OTOG: variants seen among roughly 807,000 people sequenced by gnomAD.
OTOG encodes otogelin.
Under a neutral mutation model 313.8 loss-of-function variants are expected in OTOG, and 296 were observed. The ratio of observed to expected loss-of-function variants is 0.94; its 90% CI spans 0.86 to 1.04. The LOEUF (loss-of-function observed/expected upper bound fraction) is 1.04, where lower values mean the gene tolerates loss of function less well. Among genes scored for constraint, OTOG ranks in the 50% least tolerant of loss-of-function variants. The pLI is 0.00. For missense variants in OTOG, 3,948 were observed against 3,840.1 expected (o/e 1.03, Z -0.74); for synonymous variants, 1,533 against 1,554.9 (o/e 0.99, Z 0.33).
rs1245395222 is a variant in OTOG at position 17,592,819 on chromosome 11, T to C, written c.3007-374T>C. Among the ~76,000 whole-genome samples, 8 of 152,240 alleles carry C rather than the reference T, an allele frequency of 5.3e-5. 1 individual carries two copies. Among genetic ancestry groups the C allele is most frequent in the Admixed American group, 5.2e-4 (8 of 15,280 alleles). ...GGTTCTTAGAAGTAGAATTGCTGTA[T>C]AAAAAGCTACATACATTTAAAATAT... On this transcript the variant is annotated intron_variant, in intron 25 of 55. Coordinates refer to ENST00000399397, the MANE Select transcript of OTOG (RefSeq NM_001292063.2).
chr11:17,591,473 A>G lies in OTOG; in HGVS notation c.2891A>G (p.Gln964Arg), dbSNP rs1276151242. The stretch of plus-strand genomic sequence containing the variant: ...AGTGTGTGCCAGCGGGGCTCATTCC[A>G]GTGCACCCTGCACCCTTGCGCCTCC... ...HTCVCQRGSF[Q>R]CTLHPCASTC... Residue 964 changes from glutamine (Q) to arginine (R), a missense_variant, in exon 25 of 56, where the codon CAG becomes CGG. Coordinates refer to ENST00000399397, the MANE Select transcript of OTOG (RefSeq NM_001292063.2). 7 of 1,550,556 alleles carry G rather than the reference A, an allele frequency of 4.5e-6. No individual in the cohort carries two copies. In the African/African-American group the frequency reaches 9.6e-5, roughly 21 times the overall value.
chr11:17,640,132 G>C (rs191181065), intron 49 of OTOG, among the ~76,000 whole-genome samples: 1 of 152,264 alleles, frequency 6.6e-6, no homozygotes, highest in East Asian at 1.9e-4. Flanking sequence ...TTTACTGAGA[G>C]CTTACTAAAT....
chr11:17,547,272 G>C lies in OTOG; in HGVS notation c.-101G>C. ...GAGCCCTGGGGCATGAGAACAAGAG[G>C]GACCTCGGCTGCGGAGTGGAGGTGT... On this transcript the variant is annotated 5_prime_UTR_variant, in exon 1 of 56. Transcript: ENST00000399397. 1 of 994,230 alleles carries C rather than the reference G, an allele frequency of 1.0e-6. No individual in the cohort carries two copies. Among genetic ancestry groups the C allele is most frequent in the African/African-American group, 1.7e-5 (1 of 59,286 alleles). 61.6% of individuals were successfully genotyped at this position (994,230 alleles called of 1,614,324 possible). A position where few individuals can be genotyped will look rare whatever the true frequency, so the allele number is the denominator to read the frequency against.
chr11:17,591,766 C>T (rs1852944819), intron 25 of OTOG, among the ~76,000 whole-genome samples, 178 bp downstream of exon 25: 1 of 152,154 alleles, frequency 6.6e-6, no homozygotes, highest in South Asian at 2.1e-4. Flanking sequence ...TGGAGCTCAC[C>T]AGTCCTGAGA....
At chr11:17,560,483 G>A (rs1410191637) in intron 12 of OTOG, among the ~76,000 whole-genome samples, 1 of 152,166 alleles carries the variant, frequency 6.6e-6, no homozygotes, top group Non-Finnish European at 1.5e-5. Flanking sequence ...GGTTGGGGAT[G>A]GGGTTGTGGG....
At chr11:17,603,821 C>A (rs1853314484) in intron 32 of OTOG, among the ~76,000 whole-genome samples, 1 of 152,146 alleles carries the variant, frequency 6.6e-6, no homozygotes, top group Non-Finnish European at 1.5e-5. Context: ...AGGCTTCCCG[C>A]TCTGGGGAGT....
At chr11:17,573,334 C>T in intron 19 of OTOG, 44 bp downstream of exon 19, 1 of 1,478,494 alleles carries the variant, frequency 6.8e-7, no homozygotes, top group East Asian at 2.5e-5. Flanking sequence ...GGAGCCAGAG[C>T]TCCAGACCTG....
rs1401870617 is a variant in OTOG at position 17,634,950 on chromosome 11, T to C, written c.7585+2T>C. The C allele has an allele frequency of 2.2e-6, 3 of 1,386,508 alleles. No individual in the cohort carries two copies. The African/African-American group carries it at 4.7e-5, about 22-fold the overall frequency. The allele number at this position is 1,386,508 out of a possible 1,614,324, so 85.9% of individuals were successfully genotyped here. On this transcript the variant is annotated splice_donor_variant, in intron 45 of 55. Coordinates refer to ENST00000399397, the MANE Select transcript of OTOG (RefSeq NM_001292063.2). LOFTEE classifies it high-confidence loss of function. Reference sequence around the variant, plus strand: ...CCTGCTGCCCCAGCTACAGCTGTGGTGAGAGGCCCGGGGTGGGGAGGGTGG... The same window carrying C: ...CCTGCTGCCCCAGCTACAGCTGTGGCGAGAGGCCCGGGGTGGGGAGGGTGG...
chr11:17,638,831 C>T (rs1590060686), intron 48 of OTOG: 1 of 1,387,458 alleles, frequency 7.2e-7, no homozygotes, highest in Non-Finnish European at 9.6e-7. Flanking sequence ...GGCACGGTGG[C>T]TCACACCTGT....
chr11:17,635,734 G>A (rs1351274598), intron 47 of OTOG, 23 bp downstream of exon 47: 47 of 1,537,066 alleles, frequency 3.1e-5, no homozygotes, highest in Non-Finnish European at 3.9e-5. Context: ...TGGGCACATG[G>A]CGGGCTGCGG....
intron 30 of OTOG, among the ~76,000 whole-genome samples, chr11:17,597,334 C>T (rs1023972018): frequency 2.0e-5 from 3 of 152,176 alleles, no homozygotes; most frequent in African/African-American, 7.2e-5. Flanking sequence ...GGAGCCTAGA[C>T]CCAGAGCTAC....
chr11:17,593,854 A>G, intron 27 of OTOG, 98 bp downstream of exon 27: 1 of 1,462,100 alleles, frequency 6.8e-7, no homozygotes, highest in Non-Finnish European at 9.2e-7. Flanking sequence ...AGCCAAGAAG[A>G]GCATGCCTCT....
At chr11:17,579,355 T>C (rs2134037904) in intron 23 of OTOG, among the ~76,000 whole-genome samples, 1 of 152,240 alleles carries the variant, frequency 6.6e-6, no homozygotes. Context: ...TTTCATGTTA[T>C]TACCTCCTTC....
intron 35 of OTOG, 140 bp downstream of exon 35, chr11:17,609,349 A>C: frequency 1.3e-6 from 1 of 771,264 alleles, no homozygotes; most frequent in Non-Finnish European, 2.1e-6. Context: ...GCACAGGCAC[A>C]GGGGATGCAG....
chr11:17,570,964 G>A (rs1016925103), intron 17 of OTOG, among the ~76,000 whole-genome samples: 1 of 152,146 alleles, frequency 6.6e-6, no homozygotes, highest in African/African-American at 2.4e-5. Flanking sequence ...TCAGGGAAAG[G>A]CTGTTTTCTG....
intron 23 of OTOG, among the ~76,000 whole-genome samples, chr11:17,583,857 G>A (rs985916615): frequency 6.6e-6 from 1 of 152,150 alleles, no homozygotes; most frequent in Non-Finnish European, 1.5e-5. Context: ...AAAAGCCCCT[G>A]AGATTTTGAA....
intron 4 of OTOG, 79 bp downstream of exon 4, chr11:17,552,154 T>C: frequency 7.2e-7 from 1 of 1,392,472 alleles, no homozygotes; most frequent in Non-Finnish European, 1.0e-6. Context: ...AGAGGGCAGG[T>C]GGGGCTTCCC....
chr11:17,579,876 C>T (rs1248240008), intron 23 of OTOG, among the ~76,000 whole-genome samples: 1 of 152,152 alleles, frequency 6.6e-6, no homozygotes, highest in Non-Finnish European at 1.5e-5. Flanking sequence ...TCAGTTTGGC[C>T]AATGACCCAT....
chr11:17,594,291 C>A (rs2134062436), intron 28 of OTOG, 125 bp downstream of exon 28: 8 of 1,215,330 alleles, frequency 6.6e-6, no homozygotes, highest in Admixed American at 2.2e-5. Flanking sequence ...GTTCTCTCAG[C>A]CTCTGACTGC....
Sources: allele counts gnomAD v4.1 joint callset (sites outside exome capture counted in the v4.1 genomes callset), GRCh38; gene constraint gnomAD v4.1.1; transcripts MANE v1.5; gene names NCBI Gene and HGNC (gene_info 2026-07-23, HGNC 2026-07-21).